Variants in CLEC2A observed in about 807,000 individuals in gnomAD.
CLEC2A encodes the protein C-type lectin domain family 2 member A.
CLEC2A carries 19 observed loss-of-function variants against 18.6 expected under a neutral mutation model. That is an observed-to-expected ratio of 1.02 (90% confidence interval 0.71 to 1.50). CLEC2A has a LOEUF of 1.50. Among genes scored for constraint, CLEC2A ranks in the 40% most tolerant of loss-of-function variants. The probability of loss-of-function intolerance (pLI) is 0.00; values close to 1 mark genes in which losing one functional copy is unlikely to be tolerated. For synonymous variants in CLEC2A, 74 were observed against 64.0 expected (o/e 1.16, Z -0.75); for missense variants, 190 against 207.9 (o/e 0.91, Z 0.53).
chr12:9,930,956 T>A (rs1863366530), intron 1 of CLEC2A, among the ~76,000 whole-genome samples: 1 of 152,134 alleles, frequency 6.6e-6, no homozygotes, highest in African/African-American at 2.4e-5. Context: ...TTTCTATAAT[T>A]ATTATTTTCA....
chr12:9,929,616 T>C (rs190158774), intron 1 of CLEC2A, among the ~76,000 whole-genome samples: 6 of 152,250 alleles, frequency 3.9e-5, no homozygotes, highest in Admixed American at 3.9e-4. Context: ...TAAATCCACT[T>C]GTATATGAAT....
rs760616466 is a variant in CLEC2A, at chr12:9,922,085, A to T, written c.287T>A (p.Ile96Asn). Residue 96 changes from isoleucine to asparagine, a missense_variant, in exon 3 of 5, where the codon ATT becomes AAT. By Grantham distance (149) the Ile-to-Asn change is moderately radical. Coordinates refer to ENST00000455827, the MANE Select transcript of CLEC2A (RefSeq NM_001130711.2). ...CSLQKAELAQ[I>N]DTQEDMEFLK... is the part of the protein sequence containing the mutation. ...TCTTACCATGTCTTCTTGTGTATCA[A>T]TCTGAGCAAGTTCTGCTTTCTGCAA... The T allele has an allele frequency of 7.1e-6, 11 of 1,548,446 alleles. No homozygotes were observed. In the South Asian group the frequency reaches 1.3e-4, roughly 19 times the overall value.
chr12:9,903,715 G>A (rs981639212), intron 4 of CLEC2A, among the ~76,000 whole-genome samples: 11 of 152,108 alleles, frequency 7.2e-5, no homozygotes, highest in African/African-American at 2.4e-4. Flanking sequence ...ACAAATTGTT[G>A]CTGGTTGTAA....
At chr12:9,921,899 T>C (rs750882799) in intron 3 of CLEC2A, among the ~76,000 whole-genome samples, 167 bp downstream of exon 3, 3 of 152,236 alleles carry the variant, frequency 2.0e-5, no homozygotes, top group Admixed American at 6.5e-5. Context: ...TTGCTCTTGC[T>C]GTCTCAAGGG....
chr12:9,925,721 T>G (rs370213339), intron 2 of CLEC2A, among the ~76,000 whole-genome samples: 15 of 152,310 alleles, frequency 9.8e-5, no homozygotes, highest in African/African-American at 3.4e-4. Flanking sequence ...ACATTTGTCT[T>G]ATTTGAGTTC....
Position 9,926,289 on chromosome 12 carries a change from A to T in CLEC2A, c.110T>A (p.Ile37Asn). 6.5e-7 allele frequency: 1 copy of T among 1,548,982 alleles called. No individual in the cohort carries two copies. Among genetic ancestry groups the T allele is most frequent in the Non-Finnish European group, 8.7e-7 (1 of 1,144,690 alleles). Residue 37 changes from isoleucine (I) to asparagine (N), a missense_variant, in exon 2 of 5, where the codon ATT becomes AAT. Transcript: ENST00000455827. ...CATAATAATGCAAACTGTAGTAATA[A>T]TAATACTCAGGAAGCACATAAGGCC... ...KIGLMCFLSI[I>N]ITTVCIIMIA...
the CLEC2A span, among the ~76,000 whole-genome samples, chr12:9,880,726 G>C: frequency 1.2e-3 from 185 of 152,128 alleles, 2 homozygotes; most frequent in African/African-American, 3.5e-3. Context: ...CATTGCTGGA[G>C]AATTCTCTCT....
the CLEC2A span, among the ~76,000 whole-genome samples, chr12:9,888,932 C>T: frequency 6.6e-6 from 1 of 152,112 alleles, no homozygotes; most frequent in Non-Finnish European, 1.5e-5. Flanking sequence ...TCCTCAGTGC[C>T]ATTGCTGTGT....
At chr12:9,897,934 T>C (rs1168309439), downstream of CLEC2A, among the ~76,000 whole-genome samples, 1 of 152,228 alleles carries the variant, frequency 6.6e-6, no homozygotes, top group Admixed American at 6.5e-5. Flanking sequence ...CACATGGCTA[T>C]AGTTATGGCA....
At chr12:9,908,956 C>T (rs1862942690), downstream of CLEC2A, among the ~76,000 whole-genome samples, 1 of 152,118 alleles carries the variant, frequency 6.6e-6, no homozygotes, top group Non-Finnish European at 1.5e-5. Flanking sequence ...TCACTTTTTG[C>T]TTTTCTTCGT....
chr12:9,919,799 C>T (rs1284722415), intron 3 of CLEC2A, among the ~76,000 whole-genome samples: 1 of 152,168 alleles, frequency 6.6e-6, no homozygotes, highest in African/African-American at 2.4e-5. Flanking sequence ...AAGAAGGTGG[C>T]CTGCCCCTCC....
At chr12:9,912,784 T>C (rs1332644398), downstream of CLEC2A, among the ~76,000 whole-genome samples, 1 of 152,172 alleles carries the variant, frequency 6.6e-6, no homozygotes, top group Non-Finnish European at 1.5e-5. Context: ...CTGCAAAAGT[T>C]GTGAACTTCC....
At position 9,924,385 on chromosome 12, in the gene CLEC2A, C is replaced by T. The variant is rs192226856; in HGVS notation, c.139+1875G>A. ...AATAACATTAAGCTCTAAGACTACA[C>T]TGACAGTAGAGACTATAAACAAGAA... is the stretch of plus-strand genomic sequence containing the variant. On this transcript the variant is annotated intron_variant, in intron 2 of 4. Coordinates refer to ENST00000455827, the MANE Select transcript of CLEC2A (RefSeq NM_001130711.2). Among the ~76,000 whole-genome samples the T allele has an allele frequency of 5.4e-3, 829 of 152,256 alleles. 6 individuals are homozygous for T. Among genetic ancestry groups the T allele is most frequent in the African/African-American group, 0.014 (571 of 41,540 alleles).
At chr12:9,923,328 C>T (rs533046929) in intron 2 of CLEC2A, among the ~76,000 whole-genome samples, 16 of 152,270 alleles carry the variant, frequency 1.1e-4, no homozygotes, top group East Asian at 9.6e-4. Flanking sequence ...CAGGAAAAAA[C>T]GCTCATCATC....
At chr12:9,908,561 C>T (rs1862936745), downstream of CLEC2A, among the ~76,000 whole-genome samples, 1 of 152,042 alleles carries the variant, frequency 6.6e-6, no homozygotes. Context: ...TATTTGGGTC[C>T]CACCTCTAAG....
downstream of CLEC2A, among the ~76,000 whole-genome samples, chr12:9,894,126 T>TCTCTC (rs1862724726): frequency 4.6e-5 from 6 of 130,290 alleles, no homozygotes; most frequent in East Asian, 4.4e-4. Flanking sequence ...TTTCTTTTCT[T>TCTCTC]TCTCTCTCTC....
At chr12:9,915,921 T>C (rs1239196784) in intron 4 of CLEC2A, among the ~76,000 whole-genome samples, 10 of 152,148 alleles carry the variant, frequency 6.6e-5, no homozygotes, top group Non-Finnish European at 1.5e-4. Flanking sequence ...TCTTTCCTTA[T>C]TTATAAGTAT....
the CLEC2A span, among the ~76,000 whole-genome samples, chr12:9,883,595 T>C: frequency 2.6e-5 from 4 of 152,240 alleles, no homozygotes; most frequent in African/African-American, 9.6e-5. Flanking sequence ...ATACCCTTGA[T>C]TGATATTTTC....
chr12:9,925,629 A>G (rs1396478358), intron 2 of CLEC2A, among the ~76,000 whole-genome samples: 1 of 148,658 alleles, frequency 6.7e-6, no homozygotes, highest in African/African-American at 2.5e-5. Flanking sequence ...TATCTGTAAC[A>G]AGCCCATAGA....
Sources: allele counts gnomAD v4.1 joint callset (sites outside exome capture counted in the v4.1 genomes callset), GRCh38; gene constraint gnomAD v4.1.1; transcripts MANE v1.5; gene names NCBI Gene and HGNC (gene_info 2026-07-23, HGNC 2026-07-21).